Variants in SPAG16 observed in about 807,000 individuals in gnomAD.
SPAG16 encodes the protein sperm-associated antigen 16 protein.
SPAG16 carries 86 observed loss-of-function variants against 80.4 expected under a neutral mutation model. That is an observed-to-expected ratio of 1.07 (90% CI 0.90 to 1.28). The LOEUF is 1.28. Ranked by LOEUF, SPAG16 falls within the 50% of genes most tolerant of loss-of-function variation. The pLI is 0.00. For synonymous variants in SPAG16, 294 were observed against 265.9 expected (o/e 1.11, Z -1.03); for missense variants, 870 against 765.3 (o/e 1.14, Z -1.61).
intron 10 of SPAG16, among the ~76,000 whole-genome samples, chr2:213,752,064 C>G (rs1421111369): frequency 6.6e-6 from 1 of 152,174 alleles, no homozygotes; most frequent in Non-Finnish European, 1.5e-5. Flanking sequence ...ATTGCCGTAG[C>G]TAGAAACAAT....
At chr2:214,197,338 A>G (rs2057872952) in intron 15 of SPAG16, among the ~76,000 whole-genome samples, 1 of 152,058 alleles carries the variant, frequency 6.6e-6, no homozygotes, top group South Asian at 2.1e-4. Context: ...TGGCGTTAAT[A>G]TCATTTTTAA....
At chr2:213,851,807 T>A (rs2074925396) in intron 10 of SPAG16, among the ~76,000 whole-genome samples, 4 of 152,182 alleles carry the variant, frequency 2.6e-5, no homozygotes, top group Admixed American at 6.5e-5. Context: ...GCATTATTAA[T>A]AAGTCCACAA....
At chr2:213,647,263 G>A (rs908184767) in intron 10 of SPAG16, among the ~76,000 whole-genome samples, 1 of 152,142 alleles carries the variant, frequency 6.6e-6, no homozygotes, top group African/African-American at 2.4e-5. Flanking sequence ...GCATGAATCA[G>A]TTATGACAGT....
Position 214,314,174 on chromosome 2 carries a change from C to A in SPAG16, c.1721-95966C>A, listed in dbSNP as rs567295091. Among the ~76,000 whole-genome samples, 9 of 152,106 alleles carry A rather than the reference C, an allele frequency of 5.9e-5. No individual in the cohort carries two copies. The South Asian group carries it at 1.5e-3, about 25-fold the overall frequency. On this transcript the variant is annotated intron_variant, in intron 15 of 15. Coordinates refer to ENST00000331683, the MANE Select transcript of SPAG16 (RefSeq NM_024532.5). Reference sequence around the variant, plus strand: ...GCTTCTGGAAATAATTTTAATTTTGCCTTGAGTTATACTTTCTTAGAAATG... The same window carrying A: ...GCTTCTGGAAATAATTTTAATTTTGACTTGAGTTATACTTTCTTAGAAATG...
At chr2:213,797,753 G>A (rs1032765401) in intron 10 of SPAG16, among the ~76,000 whole-genome samples, 1 of 152,282 alleles carries the variant, frequency 6.6e-6, no homozygotes, top group East Asian at 1.9e-4. Context: ...TCCCAGTTTG[G>A]GGGCATTGTG....
chr2:213,574,644 A>G (rs984800382), intron 10 of SPAG16, among the ~76,000 whole-genome samples: 35 of 148,490 alleles, frequency 2.4e-4, no homozygotes, highest in African/African-American at 8.4e-4. Context: ...ATCACCAGAT[A>G]TATATCATAT....
intron 15 of SPAG16, among the ~76,000 whole-genome samples, chr2:214,331,547 C>A (rs1331348167): frequency 6.6e-6 from 1 of 152,188 alleles, no homozygotes; most frequent in Non-Finnish European, 1.5e-5. Flanking sequence ...GCTACTTCTA[C>A]TTCTATCATT....
chr2:214,089,838 A>T (rs892711484), intron 13 of SPAG16, among the ~76,000 whole-genome samples: 3 of 151,972 alleles, frequency 2.0e-5, no homozygotes, highest in Non-Finnish European at 4.4e-5. Context: ...TCCATCCATA[A>T]ATCCCTTTAC....
intron 10 of SPAG16, among the ~76,000 whole-genome samples, chr2:213,821,583 T>G (rs904141871): frequency 6.6e-6 from 1 of 152,272 alleles, no homozygotes; most frequent in East Asian, 1.9e-4. Flanking sequence ...TTTAGTTACT[T>G]TAAAAAGTAC....
At chr2:213,630,772 A>G (rs2062120553) in intron 10 of SPAG16, among the ~76,000 whole-genome samples, 1 of 152,228 alleles carries the variant, frequency 6.6e-6, no homozygotes, top group Non-Finnish European at 1.5e-5. Flanking sequence ...TCTGACTAGT[A>G]CCTGGAAGAA....
chr2:213,484,451 G>T (rs902675912), intron 9 of SPAG16, among the ~76,000 whole-genome samples: 1 of 152,156 alleles, frequency 6.6e-6, no homozygotes, highest in Non-Finnish European at 1.5e-5. Flanking sequence ...GTCACTCCTA[G>T]GTAGTGATGT....
rs779168772 is a variant in SPAG16, at chr2:213,284,630, C to T, written c.136+11C>T. The T allele has an allele frequency of 3.7e-6, 6 of 1,602,674 alleles. No homozygotes were observed. The African/African-American group carries it at 6.7e-5, about 18-fold the overall frequency. On this transcript the variant is annotated intron_variant, in intron 1 of 15. Transcript: ENST00000331683. ...CCTACTACCTGGAACGTATCCTTCC[C>T]GTGGAGGCGCGGCCCGCTGCGCTGG...
At position 213,565,466 on chromosome 2, in the gene SPAG16, G is replaced by A. The variant is rs1277547245; in HGVS notation, c.1070+75376G>A. 4.6e-5 allele frequency among the ~76,000 whole-genome samples: 7 copies of A among 152,302 alleles called. No homozygotes were observed. The East Asian group carries it at 1.2e-3, about 25-fold the overall frequency. ...AAATATCATTTGTTATAAAGCATGC[G>A]AGAGCTACTCAAGTGAGATTTACAG... On this transcript the variant is annotated intron_variant, in intron 10 of 15. Transcript: ENST00000331683.
At chr2:213,763,763 A>C (rs1016543450) in intron 10 of SPAG16, among the ~76,000 whole-genome samples, 2 of 152,180 alleles carry the variant, frequency 1.3e-5, no homozygotes, top group Admixed American at 1.3e-4. Context: ...CGTTCGTTGC[A>C]CTCATGATGC....
At chr2:213,970,673 T>G (rs1165469997) in intron 12 of SPAG16, among the ~76,000 whole-genome samples, 1 of 152,166 alleles carries the variant, frequency 6.6e-6, no homozygotes, top group African/African-American at 2.4e-5. Context: ...AGGCATACCT[T>G]TTTAGATGAA....
At chr2:213,855,871 G>T (rs1437705569) in intron 10 of SPAG16, among the ~76,000 whole-genome samples, 1 of 152,088 alleles carries the variant, frequency 6.6e-6, no homozygotes, top group Non-Finnish European at 1.5e-5. Context: ...GTGAGATTTG[G>T]GTGGGTACAC....
chr2:213,923,455 C>A (rs562744646), intron 11 of SPAG16, among the ~76,000 whole-genome samples: 3 of 152,276 alleles, frequency 2.0e-5, no homozygotes, highest in Non-Finnish European at 4.4e-5. Context: ...GTGTTGCCTG[C>A]CTTGCAGGGT....
intron 10 of SPAG16, among the ~76,000 whole-genome samples, chr2:213,720,268 T>C (rs1055617004): frequency 6.6e-6 from 1 of 152,018 alleles, no homozygotes; most frequent in African/African-American, 2.4e-5. Flanking sequence ...CAAACCATCA[T>C]GGCACGTGTA....
At chr2:214,399,191 A>G (rs1490328904) in intron 15 of SPAG16, among the ~76,000 whole-genome samples, 1 of 152,142 alleles carries the variant, frequency 6.6e-6, no homozygotes, top group African/African-American at 2.4e-5. Flanking sequence ...TACATACTAC[A>G]TTTAAACTAA....
Sources: gnomAD v4.1 joint callset for allele counts (sites outside exome capture counted in the v4.1 genomes callset) on GRCh38, gnomAD v4.1.1 for gene constraint, MANE v1.5 for transcripts, NCBI Gene and HGNC (gene_info 2026-07-23, HGNC 2026-07-21) for gene names.